The following EYS variants were observed in gnomAD, a reference collection of about 807,000 sequenced individuals.
EYS encodes protein eyes shut homolog.
EYS carries 250 observed loss-of-function variants against 282.1 expected under a neutral mutation model. That is an observed-to-expected ratio of 0.89 (90% confidence interval 0.80 to 0.98). The LOEUF is 0.98. Ranked by LOEUF, EYS falls within the 50% of genes least tolerant of loss-of-function variation. The pLI is 0.00. For synonymous variants in EYS, 1,355 were observed against 1,282.9 expected (o/e 1.06, Z -1.20); for missense variants, 4,016 against 3,709.0 (o/e 1.08, Z -2.15).
chr6:65,690,768 T>C (rs938116525), intron 1 of EYS, among the ~76,000 whole-genome samples: 4 of 149,774 alleles, frequency 2.7e-5, no homozygotes, highest in Admixed American at 2.0e-4. Flanking sequence ...GTGTGTGAGG[T>C]TCCCCTCCCT....
intron 9 of EYS, among the ~76,000 whole-genome samples, chr6:65,346,468 A>G (rs1482720666): frequency 6.6e-6 from 1 of 151,578 alleles, no homozygotes; most frequent in Non-Finnish European, 1.5e-5. Flanking sequence ...AAACTGCCCT[A>G]GATTATTACA....
chr6:64,019,535 C>T lies in EYS; in HGVS notation c.6726-20352G>A, dbSNP rs145918298. On this transcript the variant is annotated intron_variant, in intron 33 of 42. Coordinates refer to ENST00000503581, the MANE Select transcript of EYS (RefSeq NM_001142800.2). Reference sequence around the variant, plus strand: ...AAGTGATTCTCCTGCCTTAGCCTCTCGAGTAGCTGGGACTACAGGCACAGG... The same window carrying T: ...AAGTGATTCTCCTGCCTTAGCCTCTTGAGTAGCTGGGACTACAGGCACAGG... 1.3e-3 allele frequency among the ~76,000 whole-genome samples: 202 copies of T among 151,850 alleles called. 1 individual carries two copies. The East Asian group carries it at 0.025, about 19-fold the overall frequency.
Position 63,762,835 on chromosome 6 carries a change from C to T in EYS, c.7899-202G>A, listed in dbSNP as rs190814750. Among the ~76,000 whole-genome samples the T allele has an allele frequency of 1.2e-4, 19 of 152,140 alleles. No individual in the cohort carries two copies. In the East Asian group the frequency reaches 2.1e-3, roughly 17 times the overall value. Reference sequence around the variant, plus strand: ...TGGACTCCACACCAAAGACTTTAAACGATTCAGAGTGTAAAAATTGAAAGA... The same window carrying T: ...TGGACTCCACACCAAAGACTTTAAATGATTCAGAGTGTAAAAATTGAAAGA... On this transcript the variant is annotated intron_variant, in intron 40 of 42. Coordinates refer to ENST00000503581, the MANE Select transcript of EYS (RefSeq NM_001142800.2).
chr6:64,531,153 G>C (rs1764317092), intron 26 of EYS, among the ~76,000 whole-genome samples: 1 of 152,142 alleles, frequency 6.6e-6, no homozygotes, highest in South Asian at 2.1e-4. Flanking sequence ...TTTAAATATA[G>C]TGTACCACTT....
chr6:65,657,515 T>C (rs914997924), intron 1 of EYS, among the ~76,000 whole-genome samples: 2 of 151,790 alleles, frequency 1.3e-5, no homozygotes, highest in Non-Finnish European at 2.9e-5. Context: ...GCAGATGTGG[T>C]AGAAATAGCA....
chr6:65,369,842 C>T (rs1765069505), intron 8 of EYS, among the ~76,000 whole-genome samples: 1 of 151,592 alleles, frequency 6.6e-6, no homozygotes, highest in Non-Finnish European at 1.5e-5. Flanking sequence ...ACACTTGGTT[C>T]CTTCAGGGAT....
At chr6:63,763,059 C>G (rs551878556) in intron 40 of EYS, among the ~76,000 whole-genome samples, 1 of 152,118 alleles carries the variant, frequency 6.6e-6, no homozygotes, top group African/African-American at 2.4e-5. Flanking sequence ...AGGCTCAGCT[C>G]CTGGGGTTGC....
chr6:65,627,361 T>C (rs1766741186), intron 2 of EYS, among the ~76,000 whole-genome samples: 1 of 152,018 alleles, frequency 6.6e-6, no homozygotes, highest in Non-Finnish European at 1.5e-5. Flanking sequence ...GGTGACAGCG[T>C]GCTGGCAGTC....
chr6:64,839,836 C>T (rs1408565162), intron 19 of EYS, among the ~76,000 whole-genome samples: 1 of 151,982 alleles, frequency 6.6e-6, no homozygotes, highest in Non-Finnish European at 1.5e-5. Flanking sequence ...GGTCTACCTT[C>T]CAGCCTTTTC....
intron 12 of EYS, among the ~76,000 whole-genome samples, chr6:65,166,520 C>A (rs1312307840): frequency 1.3e-5 from 2 of 151,052 alleles, no homozygotes; most frequent in Non-Finnish European, 3.0e-5. Context: ...TATCCACATA[C>A]AAAATACTAA....
chr6:64,303,656 C>T (rs7758253), intron 30 of EYS, among the ~76,000 whole-genome samples: 103,735 of 151,104 alleles, frequency 0.69, 35,653 homozygotes, highest in South Asian at 0.71. Context: ...TCCTGGCTAA[C>T]ACGGTGAAAC....
intron 35 of EYS, among the ~76,000 whole-genome samples, chr6:63,983,419 G>T (rs946738411): frequency 6.6e-6 from 1 of 151,398 alleles, no homozygotes; most frequent in East Asian, 1.9e-4. Flanking sequence ...TCTGTTTCTT[G>T]TCTTTGTGAT....
chr6:65,344,237 A>C, intron 9 of EYS, 60 bp from the exon 10 acceptor site: 2 of 1,350,114 alleles, frequency 1.5e-6, no homozygotes, highest in East Asian at 2.4e-5. Flanking sequence ...TTCAGAATGA[A>C]TTATTAAGGA....
intron 29 of EYS, among the ~76,000 whole-genome samples, chr6:64,346,082 G>A (rs1445584158): frequency 6.6e-6 from 1 of 152,004 alleles, no homozygotes; most frequent in Non-Finnish European, 1.5e-5. Context: ...GGAGAAATAG[G>A]AACACTTGTA....
At position 64,639,781 on chromosome 6, in the gene EYS, C is replaced by T. The variant is rs1217859932; in HGVS notation, c.3444-13536G>A. On this transcript the variant is annotated intron_variant, in intron 22 of 42. Coordinates refer to ENST00000503581, the MANE Select transcript of EYS (RefSeq NM_001142800.2). ...ACTACCATCAGAGTGAACAGGCAAC[C>T]TACAGAATGGGAGAAAATTTTCGCA... Among the ~76,000 whole-genome samples the T allele has an allele frequency of 1.1e-4, 10 of 91,078 alleles. 4 individuals are homozygous for T. The highest frequency in any genetic ancestry group is 2.4e-4 in the Non-Finnish European group (10 of 42,232). 59.8% of individuals were successfully genotyped at this position (91,078 alleles called of 152,430 possible).
chr6:64,078,949 T>C (rs1165249688), intron 32 of EYS, among the ~76,000 whole-genome samples: 1 of 152,034 alleles, frequency 6.6e-6, no homozygotes, highest in Non-Finnish European at 1.5e-5. Flanking sequence ...TAATTCCCAG[T>C]GGTTGGGTGC....
intron 15 of EYS, among the ~76,000 whole-genome samples, chr6:64,940,699 T>C (rs956308562): frequency 3.9e-5 from 6 of 152,036 alleles, no homozygotes; most frequent in Non-Finnish European, 7.4e-5. Flanking sequence ...AATTATTTAT[T>C]TATCTTTTTT....
At chr6:64,419,747 G>A (rs764994209) in intron 28 of EYS, among the ~76,000 whole-genome samples, 13 of 152,328 alleles carry the variant, frequency 8.5e-5, no homozygotes, top group Non-Finnish European at 1.9e-4. Context: ...AGCTCCCACA[G>A]CCTTGGGCAG....
intron 22 of EYS, among the ~76,000 whole-genome samples, chr6:64,710,123 G>T (rs1771157438): frequency 6.6e-6 from 1 of 152,162 alleles, no homozygotes; most frequent in South Asian, 2.1e-4. Context: ...ATAGGGACAT[G>T]ATTATTAATG....
Sources: gnomAD v4.1 joint callset for allele counts (sites outside exome capture counted in the v4.1 genomes callset) on GRCh38, gnomAD v4.1.1 for gene constraint, MANE v1.5 for transcripts, NCBI Gene and HGNC (gene_info 2026-07-23, HGNC 2026-07-21) for gene names.